EYS: variants seen among roughly 807,000 people sequenced by gnomAD.
EYS encodes EGF-like photoreceptor maintenance factor.
In EYS, 250 loss-of-function variants were observed where a neutral mutation model predicts 282.1. That is an observed-to-expected ratio of 0.89 (90% CI 0.80 to 0.98). The LOEUF (loss-of-function observed/expected upper bound fraction) is 0.98, where lower values mean the gene tolerates loss of function less well. Among genes scored for constraint, EYS ranks in the 50% least tolerant of loss-of-function variants. EYS has a pLI of 0.00. For synonymous variants in EYS, 1,355 were observed against 1,282.9 expected (o/e 1.06, Z -1.20); for missense variants, 4,016 against 3,709.0 (o/e 1.08, Z -2.15).
intron 30 of EYS, among the ~76,000 whole-genome samples, chr6:64,274,241 T>G (rs1373510427): frequency 2.0e-5 from 3 of 152,182 alleles, no homozygotes; most frequent in Non-Finnish European, 4.4e-5. Flanking sequence ...AGTAGTGTGA[T>G]CTCAGCTCAC....
At chr6:65,523,127 A>AT (rs965366016) in intron 2 of EYS, among the ~76,000 whole-genome samples, 1 of 152,114 alleles carries the variant, frequency 6.6e-6, no homozygotes, top group African/African-American at 2.4e-5. Flanking sequence ...GTTATATATG[A>AT]TTTTTTTAAA....
At position 64,523,671 on chromosome 6, in the gene EYS, T is replaced by C. The variant is rs930679230; in HGVS notation, c.5644+66552A>G. 2.0e-5 allele frequency among the ~76,000 whole-genome samples: 3 copies of C among 151,616 alleles called. No homozygotes were observed. The East Asian group carries it at 5.8e-4, about 29-fold the overall frequency. ...CTTCTTGAGAGAGGAATGGGTGTGATAAAAGATAATAAAGAAAGAAAGGAC... is the reference window on the plus strand; with the variant it reads ...CTTCTTGAGAGAGGAATGGGTGTGACAAAAGATAATAAAGAAAGAAAGGAC... On this transcript the variant is annotated intron_variant, in intron 26 of 42. Transcript: ENST00000503581.
intron 26 of EYS, among the ~76,000 whole-genome samples, chr6:64,568,415 G>GT (rs1370657978): frequency 6.6e-6 from 1 of 152,142 alleles, no homozygotes; most frequent in Non-Finnish European, 1.5e-5. Context: ...CTAGTCAAAC[G>GT]TAATAGTTTA....
intron 29 of EYS, among the ~76,000 whole-genome samples, chr6:64,380,344 T>C (rs1772703002): frequency 6.6e-6 from 1 of 152,198 alleles, no homozygotes; most frequent in South Asian, 2.1e-4. Context: ...TCTATCTGGT[T>C]TCTTTTCATT....
intron 19 of EYS, among the ~76,000 whole-genome samples, chr6:64,880,815 TAA>T (rs1766892009): frequency 6.7e-6 from 1 of 149,456 alleles, no homozygotes; most frequent in African/African-American, 2.4e-5. Context: ...TACTTATGTA[TAA>T]GAGATTTTAT....
At chr6:64,977,654 C>T (rs1770512584) in intron 14 of EYS, among the ~76,000 whole-genome samples, 1 of 144,350 alleles carries the variant, frequency 6.9e-6, no homozygotes, top group African/African-American at 2.6e-5. Flanking sequence ...AAATAGTAAG[C>T]CAAGCTGTGA....
intron 26 of EYS, among the ~76,000 whole-genome samples, chr6:64,464,889 A>T (rs546745968): frequency 3.7e-4 from 56 of 152,152 alleles, no homozygotes; most frequent in Non-Finnish European, 4.7e-4. Context: ...AAAATGTTTT[A>T]TTAAATCTGG....
intron 2 of EYS, among the ~76,000 whole-genome samples, chr6:65,628,381 G>A (rs563838432): frequency 3.9e-5 from 6 of 152,228 alleles, no homozygotes; most frequent in East Asian, 1.9e-4. Flanking sequence ...GAGGCCACTC[G>A]GCTCCACCAA....
chr6:64,657,728 T>G (rs1213045023), intron 22 of EYS, among the ~76,000 whole-genome samples: 2 of 152,200 alleles, frequency 1.3e-5, no homozygotes, highest in African/African-American at 4.8e-5. Context: ...AGATCAGCTG[T>G]TAGTCTGATG....
intron 36 of EYS, among the ~76,000 whole-genome samples, chr6:63,809,417 T>C (rs757252003): frequency 9.9e-5 from 15 of 152,228 alleles, no homozygotes; most frequent in Non-Finnish European, 1.8e-4. Context: ...ATTGAACAGA[T>C]TGTAATGGGA....
chr6:64,471,122 TG>T (rs1776110298), intron 26 of EYS, among the ~76,000 whole-genome samples: 1 of 152,124 alleles, frequency 6.6e-6, no homozygotes, highest in South Asian at 2.1e-4. Context: ...TAGGAGAGAC[TG>T]GGAGGATAAA....
At chr6:63,947,211 G>A (rs1765425352) in intron 35 of EYS, among the ~76,000 whole-genome samples, 2 of 152,080 alleles carry the variant, frequency 1.3e-5, no homozygotes, top group African/African-American at 2.4e-5. Flanking sequence ...GAGTGAATGT[G>A]CTTAAATCCC....
intron 22 of EYS, among the ~76,000 whole-genome samples, chr6:64,656,633 G>A (rs568806734): frequency 1.3e-4 from 20 of 152,210 alleles, no homozygotes; most frequent in East Asian, 1.9e-4. Flanking sequence ...CTGATCAACC[G>A]TAAAAAACAC....
chr6:63,842,927 T>C (rs1247616541), intron 36 of EYS, among the ~76,000 whole-genome samples: 6 of 152,140 alleles, frequency 3.9e-5, no homozygotes, highest in African/African-American at 1.4e-4. Context: ...ACATCTGTGG[T>C]GTTATGTCTG....
intron 31 of EYS, among the ~76,000 whole-genome samples, chr6:64,173,978 T>A (rs1193118509): frequency 6.6e-6 from 1 of 152,158 alleles, no homozygotes; most frequent in Non-Finnish European, 1.5e-5. Flanking sequence ...TGATGAAGCA[T>A]TATTTTACCT....
At chr6:65,170,967 T>A (rs967251493) in intron 12 of EYS, among the ~76,000 whole-genome samples, 1 of 151,486 alleles carries the variant, frequency 6.6e-6, no homozygotes, top group African/African-American at 2.4e-5. Flanking sequence ...AAGTGGCAAC[T>A]CTCTCCCTTG....
chr6:65,354,329 T>C (rs1449427714), intron 8 of EYS, among the ~76,000 whole-genome samples: 4 of 151,974 alleles, frequency 2.6e-5, no homozygotes, highest in African/African-American at 9.7e-5. Flanking sequence ...TATTAACAAA[T>C]CTCCCTTGAA....
chr6:64,767,601 C>A (rs1308783296), intron 22 of EYS, among the ~76,000 whole-genome samples: 1 of 152,052 alleles, frequency 6.6e-6, no homozygotes, highest in Non-Finnish European at 1.5e-5. Context: ...CATATTGACA[C>A]AAATAACAAA....
intron 23 of EYS, among the ~76,000 whole-genome samples, chr6:64,619,283 G>GTGAA (rs1486424876): frequency 5.3e-5 from 8 of 152,052 alleles, no homozygotes; most frequent in Admixed American, 5.2e-4. Flanking sequence ...TTCTCATACT[G>GTGAA]TGAAGAACAT....
Sources: gnomAD v4.1 joint callset for allele counts (sites outside exome capture counted in the v4.1 genomes callset) on GRCh38, gnomAD v4.1.1 for gene constraint, MANE v1.5 for transcripts, NCBI Gene and HGNC (gene_info 2026-07-23, HGNC 2026-07-21) for gene names.